The following MEGF6 variants were observed in gnomAD, a reference collection of about 807,000 sequenced individuals.
The protein encoded by MEGF6 is multiple EGF like domains 6.
Under a neutral mutation model 207.1 loss-of-function variants are expected in MEGF6, and 184 were observed. The ratio of observed to expected loss-of-function variants is 0.89; its 90% CI spans 0.79 to 1.00. The LOEUF is 1.00. MEGF6 is among the 50% of genes least tolerant of loss of function. The pLI is 0.00. For missense variants in MEGF6, 2,282 were observed against 2,202.9 expected, an observed-to-expected ratio of 1.04 and a Z score of -0.72; for synonymous variants, 1,038 against 910.0, an observed-to-expected ratio of 1.14 and a Z score of -2.53.
chr1:3,497,912 G>A (rs1164883676), intron 26 of MEGF6, among the ~76,000 whole-genome samples: 5 of 152,186 alleles, frequency 3.3e-5, no homozygotes, highest in Non-Finnish European at 7.4e-5. Context: ...TGAGGAATGA[G>A]GCAGTGTTGC....
chr1:3,563,859 G>A (rs1156820320), intron 4 of MEGF6, among the ~76,000 whole-genome samples: 3 of 152,206 alleles, frequency 2.0e-5, no homozygotes, highest in East Asian at 1.9e-4. Context: ...GTCTGGGGAG[G>A]GAAGTCAGAC....
rs762600617 is a variant in MEGF6, at chr1:3,515,477, G to T, written c.655C>A (p.Gln219Lys). 3 of 1,612,768 alleles carry T rather than the reference G, an allele frequency of 1.9e-6. No homozygotes were observed. In the East Asian group the frequency reaches 6.7e-5, roughly 36 times the overall value. ...GNGGCQHHCV[Q>K]LTITRHRCQC... Reference sequence around the variant, plus strand: ...CAGCGATGCCGAGTGATTGTGAGCTGGACACAGTGGTGCTGGCAGCCGCCA... The same window carrying T: ...CAGCGATGCCGAGTGATTGTGAGCTTGACACAGTGGTGCTGGCAGCCGCCA... Residue 219 changes from glutamine to lysine, a missense_variant, in exon 6 of 37, where the codon CAG becomes AAG. Gln to Lys is a moderately conservative substitution (Grantham distance 53). Coordinates refer to ENST00000356575, the MANE Select transcript of MEGF6 (RefSeq NM_001409.4).
At position 3,495,934 on chromosome 1, in the gene MEGF6, G is replaced by C. The variant is rs1313494288; in HGVS notation, c.3827C>G (p.Thr1276Ser). ...QGAACDPVTG[T>S]CLCPPGRAGV... The stretch of plus-strand genomic sequence containing the variant: ...GGCTCTCCCCGGGGGGCAGAGGCAG[G>C]TGCCGGTCACAGGGTCGCAGGCCGC... The change falls in exon 30 of 37, where the codon ACC (threonine) becomes AGC (serine). Residue 1276 changes from threonine to serine, a missense_variant. Thr to Ser is a moderately conservative substitution (Grantham distance 58, BLOSUM62 1). Transcript: ENST00000356575. 6.3e-7 allele frequency: 1 copy of C among 1,596,126 alleles called. No homozygotes were observed. The highest frequency in any genetic ancestry group is 2.2e-5 in the East Asian group (1 of 44,760).
chr1:3,502,881 G>A (rs1237121297), intron 17 of MEGF6, among the ~76,000 whole-genome samples: 9 of 152,186 alleles, frequency 5.9e-5, no homozygotes, highest in East Asian at 1.9e-4. Context: ...GGGTAGCAGC[G>A]AAGCCTCCCT....
At chr1:3,592,751 G>T (rs1643999839) in intron 3 of MEGF6, among the ~76,000 whole-genome samples, 1 of 152,034 alleles carries the variant, frequency 6.6e-6, no homozygotes, top group African/African-American at 2.4e-5. Flanking sequence ...GGGTTGAACA[G>T]GGAGCGGCCA....
intron 4 of MEGF6, among the ~76,000 whole-genome samples, chr1:3,555,094 A>G (rs987180606): frequency 6.6e-6 from 1 of 152,180 alleles, no homozygotes; most frequent in Non-Finnish European, 1.5e-5. Context: ...CAAAGCCTGG[A>G]TCCCACCAGG....
In MEGF6 at chr1:3,611,250, C is replaced by G. The variant is rs772690098; in HGVS notation, c.19G>C (p.Ala7Pro). MSFLEE[A>P]RAAGRAVVLA... The stretch of plus-strand genomic sequence containing the variant: ...ACCACCGCGCGCCCCGCTGCCCTCG[C>G]CTCTTCAAGGAACGACATCGTGCGC... Residue 7 changes from alanine to proline, a missense_variant, in exon 1 of 37, where the codon GCG becomes CCG. Ala to Pro is a conservative substitution (Grantham distance 27, BLOSUM62 -1). Transcript: ENST00000356575. 31 of 1,517,934 alleles carry G rather than the reference C, an allele frequency of 2.0e-5. No homozygotes were observed. Among genetic ancestry groups the G allele is most frequent in the Non-Finnish European group, 2.4e-5 (28 of 1,143,792 alleles). 94.0% of individuals were successfully genotyped at this position (1,517,934 alleles called of 1,614,324 possible).
chr1:3,583,175 C>T (rs750161656), intron 3 of MEGF6, among the ~76,000 whole-genome samples: 1 of 152,168 alleles, frequency 6.6e-6, no homozygotes, highest in Non-Finnish European at 1.5e-5. Flanking sequence ...AACAAAGATG[C>T]GCAAAGCTGC....
At chr1:3,506,777 C>A (rs917097850) in intron 14 of MEGF6, among the ~76,000 whole-genome samples, 1 of 152,184 alleles carries the variant, frequency 6.6e-6, no homozygotes, top group Non-Finnish European at 1.5e-5. Flanking sequence ...ACGTCCTAGT[C>A]CCCAGGACCT....
In MEGF6 at chr1:3,498,717, G is replaced by T; in HGVS notation, c.3204C>A (p.Ala1068=). The change falls in exon 25 of 37, where the codon GCC becomes GCA. Residue 1068 remains alanine, a synonymous_variant. Coordinates refer to ENST00000356575, the MANE Select transcript of MEGF6 (RefSeq NM_001409.4). ...GCTCACCCTTCTCACAGGCCAGGCC[G>T]GCCCAGCCCTCTGGGCACGCACAGT... ...SGHCACPEGW[A]GLACEKECLP... is the part of the protein sequence containing the mutation. The T allele has an allele frequency of 6.4e-7, 1 of 1,568,796 alleles. No homozygotes were observed. Among genetic ancestry groups the T allele is most frequent in the Admixed American group, 1.8e-5 (1 of 55,006 alleles).
chr1:3,615,205 A>G (rs1034030797), upstream of MEGF6, among the ~76,000 whole-genome samples: 2 of 152,238 alleles, frequency 1.3e-5, no homozygotes, highest in African/African-American at 4.8e-5. Context: ...AGAAAAAAGG[A>G]CATTTTCAGA....
chr1:3,593,980 A>T (rs6702451), intron 3 of MEGF6, among the ~76,000 whole-genome samples: 37,367 of 152,052 alleles, frequency 0.25, 5,094 homozygotes, highest in East Asian at 0.41. Flanking sequence ...TCGGGCCAGG[A>T]CGGGCAACTT....
At chr1:3,597,448 C>T (rs865865973) in intron 2 of MEGF6, among the ~76,000 whole-genome samples, 2 of 152,242 alleles carry the variant, frequency 1.3e-5, no homozygotes, top group South Asian at 2.1e-4. Context: ...TCTCCCGCTG[C>T]TTGTTCTGCA....
chr1:3,490,172 C>A lies in MEGF6; in HGVS notation c.*356G>T, dbSNP rs112749341. On this transcript the variant is annotated 3_prime_UTR_variant, in exon 37 of 37. Transcript: ENST00000356575. ...AAAGCCTGCCTGGAGGACAGTGGCC[C>A]TGTGCCTGCACCTGCGCCTGCACCC... 9.9e-3 allele frequency: 3,274 copies of A among 329,660 alleles called. 48 individuals are homozygous for A. Among genetic ancestry groups the A allele is most frequent in the Non-Finnish European group, 0.011 (1,948 of 179,928 alleles). 20.4% of individuals were successfully genotyped at this position (329,660 alleles called of 1,614,324 possible).
chr1:3,560,946 G>A lies in MEGF6; in HGVS notation c.481+18879C>T, dbSNP rs1643182600. ...TGGCACACATCCATCTAGTGCCCCA[G>A]GGGCTTCGGAGGGCAGGGGTCAGCT... On this transcript the variant is annotated intron_variant, in intron 4 of 36. Transcript: ENST00000356575. This position sits in a 1 kb window ranked among gnomAD's most constrained non-coding sequence, Gnocchi z 4.0. Among the ~76,000 whole-genome samples, 1 of 152,200 alleles carries A rather than the reference G, an allele frequency of 6.6e-6. No homozygotes were observed. Among genetic ancestry groups the A allele is most frequent in the Non-Finnish European group, 1.5e-5 (1 of 68,030 alleles).
rs1318930260 is a variant in MEGF6 at position 3,505,511 on chromosome 1, T to C, written c.1964A>G (p.Gln655Arg). Residue 655 changes from glutamine (Q) to arginine (R), a missense_variant, in exon 16 of 37, where the codon CAG (glutamine) becomes CGG (arginine). Coordinates refer to ENST00000356575, the MANE Select transcript of MEGF6 (RefSeq NM_001409.4). ...AFGPGCSEEC[Q>R]CVQPHTQSCD... The stretch of plus-strand genomic sequence containing the variant: ...GGACTGCGTGTGGGGCTGCACACAC[T>C]GGCACTCCTCCGAGCAGCCCGGCCC... 2 of 1,603,566 alleles carry C rather than the reference T, an allele frequency of 1.2e-6. No homozygotes were observed. Among genetic ancestry groups the C allele is most frequent in the Admixed American group, 1.7e-5 (1 of 58,970 alleles).
intron 7 of MEGF6, among the ~76,000 whole-genome samples, chr1:3,513,759 A>T (rs1009355246): frequency 1.4e-5 from 2 of 146,926 alleles, no homozygotes; most frequent in East Asian, 4.1e-4. Flanking sequence ...CTGGCTAATT[A>T]AAAAAAAAAT....
intron 5 of MEGF6, among the ~76,000 whole-genome samples, chr1:3,515,936 A>G (rs1641526798): frequency 6.6e-6 from 1 of 152,220 alleles, no homozygotes; most frequent in Non-Finnish European, 1.5e-5. Flanking sequence ...AGGAGGACGC[A>G]GGCTGGCAGG....
At chr1:3,616,403 A>G (rs1644379174), upstream of MEGF6, among the ~76,000 whole-genome samples, 1 of 152,170 alleles carries the variant, frequency 6.6e-6, no homozygotes, top group African/African-American at 2.4e-5. Flanking sequence ...CCTCACGTCA[A>G]CACCAACGAC....
Sources: gnomAD v4.1 joint callset for allele counts (sites outside exome capture counted in the v4.1 genomes callset) on GRCh38, gnomAD v4.1.1 for gene constraint, Gnocchi (gnomAD v3.1) non-coding constraint, MANE v1.5 for transcripts, NCBI Gene and HGNC (gene_info 2026-07-23, HGNC 2026-07-21) for gene names.